Variants in SERPINB5 observed in about 807,000 individuals in gnomAD.
SERPINB5 encodes the protein serpin B5.
In SERPINB5, 27 loss-of-function variants were observed where a neutral mutation model predicts 32.2. The ratio of observed to expected loss-of-function variants is 0.84; its 90% CI spans 0.62 to 1.16. The LOEUF (loss-of-function observed/expected upper bound fraction) is 1.16, where lower values mean the gene tolerates loss of function less well. Ranked by LOEUF, SERPINB5 falls within the 50% of genes most tolerant of loss-of-function variation. The pLI is 0.00. For synonymous variants in SERPINB5, 154 were observed against 157.4 expected, an observed-to-expected ratio of 0.98 and a Z score of 0.16; for missense variants, 388 against 436.3, an observed-to-expected ratio of 0.89 and a Z score of 0.99.
At chr18:63,491,161 G>A (rs1161839335) in intron 4 of SERPINB5, among the ~76,000 whole-genome samples, 1 of 152,004 alleles carries the variant, frequency 6.6e-6, no homozygotes, top group Non-Finnish European at 1.5e-5. Context: ...CAGCACTTTG[G>A]GAGGCCAAGG....
intron 1 of SERPINB5, among the ~76,000 whole-genome samples, chr18:63,480,894 A>G (rs1917116624): frequency 6.6e-6 from 1 of 152,318 alleles, no homozygotes; most frequent in East Asian, 1.9e-4. Flanking sequence ...GACCCCAGAT[A>G]CTAAGGGCTG....
rs761337277 is a variant in SERPINB5, at chr18:63,503,635, A to C, written c.1041A>C (p.Glu347Asp). The change falls in exon 7 of 7, where the codon GAA (glutamate) becomes GAC (aspartate). Residue 347 changes from glutamate (E) to aspartate (D), a missense_variant. Physicochemically the swap from Glu to Asp is conservative, Grantham distance 45 (BLOSUM62 2). Coordinates refer to ENST00000382771, the MANE Select transcript of SERPINB5 (RefSeq NM_002639.5). Reference sequence around the variant, plus strand: ...CACGGATCCTGCAGCACAAGGATGAATTGAATGCTGACCATCCCTTTATTT... The same window carrying C: ...CACGGATCCTGCAGCACAAGGATGACTTGAATGCTGACCATCCCTTTATTT... ...PGARILQHKDELNADHPFIYI... is the reference protein window; with the variant it reads ...PGARILQHKDDLNADHPFIYI... 3.7e-6 allele frequency: 6 copies of C among 1,614,098 alleles called. No individual in the cohort carries two copies. The highest frequency in any genetic ancestry group is 1.3e-5 in the African/African-American group (1 of 74,948).
intron 5 of SERPINB5, 33 bp downstream of exon 5, chr18:63,493,128 C>G: frequency 6.2e-7 from 1 of 1,613,578 alleles, no homozygotes; most frequent in Non-Finnish European, 8.5e-7. Context: ...GTAAAAGGAG[C>G]CCAATTATAG....
In SERPINB5 at chr18:63,483,258, G is replaced by T. The variant is rs114203499; in HGVS notation, c.-7-1164G>T. Among the ~76,000 whole-genome samples the T allele has an allele frequency of 6.5e-3, 983 of 152,282 alleles. 6 individuals carry two copies. Among genetic ancestry groups the T allele is most frequent in the African/African-American group, 0.022 (910 of 41,530 alleles). ...TTATACCACTCACATGTCTTGGGCA[G>T]CTCTGTATTCTAGTTATTTGTCTGC... On this transcript the variant is annotated intron_variant, in intron 1 of 6. Coordinates refer to ENST00000382771, the MANE Select transcript of SERPINB5 (RefSeq NM_002639.5).
chr18:63,494,704 A>G (rs964726487), intron 5 of SERPINB5, among the ~76,000 whole-genome samples: 1 of 151,806 alleles, frequency 6.6e-6, no homozygotes, highest in African/African-American at 2.4e-5. Flanking sequence ...GGCTTCCATT[A>G]CTCTTTCTTT....
intron 1 of SERPINB5, chr18:63,477,254 G>T (rs1191611138): frequency 6.6e-6 from 1 of 152,094 alleles, no homozygotes; most frequent in Non-Finnish European, 1.5e-5. Flanking sequence ...TGAGCACCAG[G>T]AACACTGCAG....
At chr18:63,493,297 G>A (rs1486984166) in intron 5 of SERPINB5, 1 of 668,904 alleles carries the variant, frequency 1.5e-6, no homozygotes, top group African/African-American at 1.8e-5. Flanking sequence ...TTTCCATAAT[G>A]TCTTCAAGGA....
chr18:63,497,004 G>A (rs1392120785), intron 5 of SERPINB5: 2 of 527,914 alleles, frequency 3.8e-6, no homozygotes, highest in East Asian at 9.9e-5. Context: ...GCCCACCGGG[G>A]CATTACTTAT....
At chr18:63,495,448 T>C (rs558219434) in intron 5 of SERPINB5, among the ~76,000 whole-genome samples, 46 of 152,332 alleles carry the variant, frequency 3.0e-4, no homozygotes, top group African/African-American at 1.1e-3. Context: ...GATTAGTGAT[T>C]GGCTCTCCTC....
At chr18:63,492,603 T>C (rs1000726081) in intron 4 of SERPINB5, among the ~76,000 whole-genome samples, 3 of 152,242 alleles carry the variant, frequency 2.0e-5, no homozygotes, top group African/African-American at 7.2e-5. Context: ...TCGCTGAGTC[T>C]CAGCTTCCTC....
Position 63,504,474 on chromosome 18 carries a change from C to T in SERPINB5, c.*752C>T, listed in dbSNP as rs780570253. On this transcript the variant is annotated 3_prime_UTR_variant, in exon 7 of 7. Coordinates refer to ENST00000382771, the MANE Select transcript of SERPINB5 (RefSeq NM_002639.5). ...TGCTGCCAAATGCGTATGCCACCAA[C>T]TTACAAAAACACTTCGTTCGCAGAG... 6.6e-6 allele frequency: 1 copy of T among 152,200 alleles called. No individual in the cohort carries two copies. Among genetic ancestry groups the T allele is most frequent in the Non-Finnish European group, 1.5e-5 (1 of 68,040 alleles). 9.4% of individuals were successfully genotyped at this position (152,200 alleles called of 1,614,324 possible).
rs1316988385 is a variant in SERPINB5, at chr18:63,487,031, C to T, written c.254C>T (p.Ser85Leu). The T allele has an allele frequency of 5.6e-6, 9 of 1,613,848 alleles. No individual in the cohort carries two copies. Among genetic ancestry groups the T allele is most frequent in the Non-Finnish European group, 6.8e-6 (8 of 1,179,878 alleles). The change falls in exon 3 of 7, where the codon TCA becomes TTA. Residue 85 changes from serine to leucine, a missense_variant. By Grantham distance (145) the Ser-to-Leu change is moderately radical (BLOSUM62 -2). Coordinates refer to ENST00000382771, the MANE Select transcript of SERPINB5 (RefSeq NM_002639.5). ...GTAAACAAACTTAGTTCCTTTTACT[C>T]ACTGAAACTAATCAAGCGGCTCTAC... ...SDVNKLSSFYSLKLIKRLYVD... is the reference protein window; with the variant it reads ...SDVNKLSSFYLLKLIKRLYVD...
chr18:63,499,959 A>G (rs1320267983), intron 6 of SERPINB5, among the ~76,000 whole-genome samples: 1 of 151,770 alleles, frequency 6.6e-6, no homozygotes, highest in Non-Finnish European at 1.5e-5. Context: ...TTAGTTTGGT[A>G]TGTTTGTTAC....
intron 6 of SERPINB5, among the ~76,000 whole-genome samples, chr18:63,501,729 C>T (rs369271039): frequency 9.9e-5 from 15 of 151,992 alleles, no homozygotes; most frequent in African/African-American, 2.7e-4. Context: ...TTTTAATGAT[C>T]GCCATTCTAA....
chr18:63,496,905 A>G (rs1324745210), intron 5 of SERPINB5: 2 of 331,654 alleles, frequency 6.0e-6, no homozygotes, highest in African/African-American at 2.2e-5. Context: ...TGGACATAAA[A>G]GACCTGAACG....
intron 3 of SERPINB5, among the ~76,000 whole-genome samples, chr18:63,488,767 T>A (rs151156715): frequency 1.6e-3 from 248 of 152,278 alleles, no homozygotes; most frequent in African/African-American, 5.4e-3. Flanking sequence ...CCTGTTATGT[T>A]CTCTCCTGCA....
intron 1 of SERPINB5, among the ~76,000 whole-genome samples, chr18:63,481,545 TAAG>T (rs1917127629): frequency 1.3e-5 from 2 of 152,258 alleles, no homozygotes; most frequent in African/African-American, 4.8e-5. Flanking sequence ...GTGGAAGTGT[TAAG>T]AAGCTTTCAG....
Position 63,489,458 on chromosome 18 carries a change from ACAGATGGCAAGTACCCTTT to A in SERPINB5, c.419_424+13del. ...GATCAACAACTCAATTAAGGATCTC[ACAGATGGCAAGTACCCTTT>A]AATTGTTCTGCTATCAATCACCAAG... is the stretch of plus-strand genomic sequence containing the variant. On this transcript the variant is annotated splice_donor_variant and splice_donor_5th_base_variant and coding_sequence_variant and intron_variant, in exon 4 of 7. Coordinates refer to ENST00000382771, the MANE Select transcript of SERPINB5 (RefSeq NM_002639.5). LOFTEE classifies it high-confidence loss of function. 6.6e-7 allele frequency: 1 copy of A among 1,515,590 alleles called. No individual in the cohort carries two copies. The highest frequency in any genetic ancestry group is 1.1e-5 in the South Asian group (1 of 88,458). 93.9% of individuals were successfully genotyped at this position (1,515,590 alleles called of 1,614,324 possible). A position where few individuals can be genotyped will look rare whatever the true frequency, so the allele number is the denominator to read the frequency against.
chr18:63,481,489 G>T (rs536084224), intron 1 of SERPINB5, among the ~76,000 whole-genome samples: 1 of 152,374 alleles, frequency 6.6e-6, no homozygotes, highest in South Asian at 2.1e-4. Context: ...TGTTAAAGCA[G>T]TTTGTGTGTT....
Sources: allele counts gnomAD v4.1 joint callset (sites outside exome capture counted in the v4.1 genomes callset), GRCh38; gene constraint gnomAD v4.1.1; transcripts MANE v1.5; gene names NCBI Gene and HGNC (gene_info 2026-07-23, HGNC 2026-07-21).